The following SASH1 variants were observed in gnomAD, a reference collection of about 807,000 sequenced individuals.
SASH1 encodes the protein SAM and SH3 domain containing 1.
Under a neutral mutation model 125.2 loss-of-function variants are expected in SASH1, and 44 were observed. The ratio of observed to expected loss-of-function variants is 0.35; its 90% CI spans 0.28 to 0.45. SASH1 has a LOEUF of 0.45. Ranked by LOEUF, SASH1 falls within the 20% of genes least tolerant of loss-of-function variation. The probability of loss-of-function intolerance (pLI) is 1.00; values close to 1 mark genes in which losing one functional copy is unlikely to be tolerated. For missense variants in SASH1, 1,426 were observed against 1,614.5 expected, an observed-to-expected ratio of 0.88 and a Z score of 2.00; for synonymous variants, 639 against 649.1, an observed-to-expected ratio of 0.98 and a Z score of 0.24.
At chr6:148,468,155 G>A (rs983295151) in intron 4 of SASH1, among the ~76,000 whole-genome samples, 3 of 152,146 alleles carry the variant, frequency 2.0e-5, no homozygotes, top group Non-Finnish European at 4.4e-5. Flanking sequence ...GGCCCAAGTG[G>A]CATTTGTGGT....
chr6:148,421,365 G>T (rs1177408058), intron 2 of SASH1, among the ~76,000 whole-genome samples: 1 of 152,196 alleles, frequency 6.6e-6, no homozygotes, highest in Non-Finnish European at 1.5e-5. Flanking sequence ...GTGCAGTGGT[G>T]TAATCTCAGC....
At chr6:148,545,509 G>A (rs1388612538) in intron 18 of SASH1, among the ~76,000 whole-genome samples, 1 of 152,122 alleles carries the variant, frequency 6.6e-6, no homozygotes, top group African/African-American at 2.4e-5. Flanking sequence ...AGCAGATAAA[G>A]TGCAAACAGT....
chr6:148,544,128 T>C lies in SASH1; in HGVS notation c.2658T>C (p.Ser886=). 6.2e-7 allele frequency: 1 copy of C among 1,614,106 alleles called. No individual in the cohort carries two copies. The highest frequency in any genetic ancestry group is 8.5e-7 in the Non-Finnish European group (1 of 1,179,994). The part of the protein sequence containing the change: ...STKAQPLEQD[S]AVDNALLLTQ... The stretch of plus-strand genomic sequence containing the variant: ...AGGCCCAGCCCCTGGAGCAAGACTC[T>C]GCTGTCGACAATGCATTGCTACTGA... The change falls in exon 18 of 20, where the codon TCT becomes TCC. Residue 886 remains serine, a synonymous_variant. Transcript: ENST00000367467. The surrounding 1 kb of genome is among the most constrained non-coding windows in gnomAD (Gnocchi z 6.4).
intron 1 of SASH1, among the ~76,000 whole-genome samples, chr6:148,365,844 A>G (rs911768526): frequency 4.6e-5 from 7 of 151,182 alleles, no homozygotes; most frequent in Non-Finnish European, 7.4e-5. Context: ...CGGGCAGGGT[A>G]GCTCGTGCCT....
intron 1 of SASH1, among the ~76,000 whole-genome samples, chr6:148,311,231 C>G (rs961724487): frequency 6.6e-6 from 1 of 151,932 alleles, no homozygotes; most frequent in Non-Finnish European, 1.5e-5. Context: ...CTCAGCCTCC[C>G]AAGTAGCTGG....
the SASH1 span, among the ~76,000 whole-genome samples, chr6:148,210,347 A>T: frequency 1.3e-5 from 2 of 152,140 alleles, no homozygotes; most frequent in South Asian, 2.1e-4. Flanking sequence ...GACTAACAAC[A>T]TGGGGAAACC....
Position 148,438,725 on chromosome 6 carries a change from C to CAAA in SASH1, c.286-1440_286-1438dup, listed in dbSNP as rs60769463. Among the ~76,000 whole-genome samples, 338 of 96,356 alleles carry CAAA rather than the reference C, an allele frequency of 3.5e-3. 3 individuals carry two copies. The highest frequency in any genetic ancestry group is 0.013 in the African/African-American group (322 of 24,210). The allele number at this position is 96,356 out of a possible 152,430, so 63.2% of individuals were successfully genotyped here. A position where few individuals can be genotyped will look rare whatever the true frequency, so the allele number is the denominator to read the frequency against. On this transcript the variant is annotated intron_variant, in intron 2 of 19. Coordinates refer to ENST00000367467, the MANE Select transcript of SASH1 (RefSeq NM_015278.5). Reference sequence around the variant, plus strand: ...GCACATTCTTTTTTTTTCATTGTGGCAAAAAAAAAAAAAAAAAAAAACCAA... The same window carrying CAAA: ...GCACATTCTTTTTTTTTCATTGTGGCAAAAAAAAAAAAAAAAAAAAAAAACCAA...
intron 16 of SASH1, among the ~76,000 whole-genome samples, chr6:148,540,012 T>G (rs1782120649): frequency 6.6e-6 from 1 of 152,124 alleles, no homozygotes. Context: ...CAAGCACAAG[T>G]CTTACAGATC....
the SASH1 span, among the ~76,000 whole-genome samples, chr6:148,226,002 T>A: frequency 1.3e-5 from 2 of 152,200 alleles, no homozygotes; most frequent in East Asian, 3.9e-4. Flanking sequence ...GAAACTGTAG[T>A]TTAGAAGAAA....
At chr6:148,527,997 G>GA (rs1562486001) in intron 12 of SASH1, among the ~76,000 whole-genome samples, 60 of 131,472 alleles carry the variant, frequency 4.6e-4, no homozygotes, top group South Asian at 2.6e-3. Context: ...TTGGGGGGGG[G>GA]GGTGGCAGTA....
intron 2 of SASH1, among the ~76,000 whole-genome samples, chr6:148,405,919 A>G (rs1385085745): frequency 1.3e-5 from 2 of 152,218 alleles, no homozygotes; most frequent in Non-Finnish European, 2.9e-5. Flanking sequence ...CTTGTTACTT[A>G]GGAAAAAAAA....
At position 148,352,346 on chromosome 6, in the gene SASH1, C is replaced by T. The variant is rs571875773; in HGVS notation, c.156+9123C>T. 1.1e-4 allele frequency among the ~76,000 whole-genome samples: 16 copies of T among 152,210 alleles called. No homozygotes were observed. The South Asian group carries it at 3.3e-3, about 32-fold the overall frequency. On this transcript the variant is annotated intron_variant, in intron 1 of 19. Coordinates refer to ENST00000367467, the MANE Select transcript of SASH1 (RefSeq NM_015278.5). ...GGCTTGGTGGCTCACGCCTGTAATC[C>T]CAGCATTTTGGGAGGCCAAGGCGGT...
At chr6:148,308,169 G>GT (rs1349914087) in intron 1 of SASH1, among the ~76,000 whole-genome samples, 1 of 152,046 alleles carries the variant, frequency 6.6e-6, no homozygotes, top group Admixed American at 6.6e-5. Context: ...ACATGTGTTT[G>GT]TGTACGTGTG....
intron 1 of SASH1, among the ~76,000 whole-genome samples, chr6:148,368,410 A>T (rs1381653845): frequency 6.6e-6 from 1 of 152,168 alleles, no homozygotes; most frequent in Non-Finnish European, 1.5e-5. Context: ...AGCTGGGATT[A>T]CAGGCGCAAG....
chr6:148,451,388 A>G (rs539002752), intron 4 of SASH1, among the ~76,000 whole-genome samples: 1 of 152,352 alleles, frequency 6.6e-6, no homozygotes, highest in East Asian at 1.9e-4. Context: ...CTAAATAAAC[A>G]TTTGACATAG....
the SASH1 span, among the ~76,000 whole-genome samples, chr6:148,210,355 A>C: frequency 6.6e-6 from 1 of 152,054 alleles, no homozygotes; most frequent in East Asian, 1.9e-4. Flanking sequence ...ACATGGGGAA[A>C]CCCTGTCTCT....
chr6:148,522,386 T>C (rs1780873948), intron 10 of SASH1, among the ~76,000 whole-genome samples: 1 of 152,254 alleles, frequency 6.6e-6, no homozygotes, highest in Admixed American at 6.5e-5. Context: ...TTGCTAGATT[T>C]ATTTAAAAGG....
the SASH1 span, among the ~76,000 whole-genome samples, chr6:148,254,111 G>A: frequency 6.6e-6 from 1 of 151,882 alleles, no homozygotes; most frequent in Non-Finnish European, 1.5e-5. Flanking sequence ...GGAGGCTGAG[G>A]CACAAGAATC....
chr6:148,293,599 T>C (rs1423404413), intron 1 of SASH1, among the ~76,000 whole-genome samples: 1 of 152,058 alleles, frequency 6.6e-6, no homozygotes, highest in African/African-American at 2.4e-5. Context: ...GAGACTCAGC[T>C]AGTCTGGAGG....
Sources: allele counts gnomAD v4.1 joint callset (sites outside exome capture counted in the v4.1 genomes callset), GRCh38; gene constraint gnomAD v4.1.1; non-coding constraint Gnocchi (gnomAD v3.1); transcripts MANE v1.5; gene names NCBI Gene and HGNC (gene_info 2026-07-23, HGNC 2026-07-21).